Variants in CPN1 observed in about 807,000 individuals in gnomAD.
CPN1 encodes the protein carboxypeptidase N subunit 1.
A neutral mutation model predicts 46.4 loss-of-function variants in CPN1; 37 were observed. That is an observed-to-expected ratio of 0.80 (90% CI 0.61 to 1.05). The LOEUF (loss-of-function observed/expected upper bound fraction) is 1.05. Ranked by LOEUF, CPN1 falls within the 50% of genes least tolerant of loss-of-function variation. The probability of loss-of-function intolerance (pLI) is 0.00; values close to 1 mark genes in which losing one functional copy is unlikely to be tolerated. For missense variants in CPN1, 563 were observed against 602.6 expected (o/e 0.93, Z 0.69); for synonymous variants, 224 against 235.4 (o/e 0.95, Z 0.44).
At chr10:100,054,226 C>G (rs561817810) in intron 7 of CPN1, 121 bp downstream of exon 7, 20 of 771,296 alleles carry the variant, frequency 2.6e-5, no homozygotes, top group South Asian at 2.3e-4. Flanking sequence ...CCATCCCCCC[C>G]ACTCCCAGCA....
At chr10:100,071,657 T>C (rs1218017240) in intron 2 of CPN1, among the ~76,000 whole-genome samples, 3 of 152,210 alleles carry the variant, frequency 2.0e-5, no homozygotes, top group Non-Finnish European at 2.9e-5. Context: ...GAAAATGTAG[T>C]TAGGCCTATG....
At position 100,066,145 on chromosome 10, in the gene CPN1, G is replaced by T. The variant is rs1259815351; in HGVS notation, c.577-775C>A. 2.0e-5 allele frequency among the ~76,000 whole-genome samples: 3 copies of T among 152,114 alleles called. No homozygotes were observed. The East Asian group carries it at 5.8e-4, about 29-fold the overall frequency. ...TAATTTTTGTATTTTTTGTAGAGAT[G>T]GGGTTTTGCCATGTTACTGAGGCTG... is the stretch of plus-strand genomic sequence containing the variant. On this transcript the variant is annotated intron_variant, in intron 3 of 8. Coordinates refer to ENST00000370418, the MANE Select transcript of CPN1 (RefSeq NM_001308.3).
intron 3 of CPN1, among the ~76,000 whole-genome samples, chr10:100,067,490 A>G (rs2041461114): frequency 2.6e-5 from 4 of 152,222 alleles, no homozygotes; most frequent in Admixed American, 1.3e-4. Flanking sequence ...ACATGTCAGC[A>G]TGGCTTTTGC....
At chr10:100,069,679 A>C in intron 3 of CPN1, 35 bp downstream of exon 3, 1 of 1,613,596 alleles carries the variant, frequency 6.2e-7, no homozygotes, top group South Asian at 1.1e-5. Flanking sequence ...CCAGATGCTG[A>C]TTTACCTGCT....
chr10:100,049,022 G>A (rs938206189), intron 7 of CPN1, 146 bp from the exon 8 acceptor site: 4 of 619,198 alleles, frequency 6.5e-6, no homozygotes, highest in African/African-American at 3.7e-5. Flanking sequence ...GAAGTGGTGT[G>A]ATCTCAGCTC....
At position 100,076,127 on chromosome 10, in the gene CPN1, TG is replaced by T. The variant is rs2041513778; in HGVS notation, c.224-21del. On this transcript the variant is annotated intron_variant, in intron 1 of 8. Coordinates refer to ENST00000370418, the MANE Select transcript of CPN1 (RefSeq NM_001308.3). ...GTTCCACTGCAAGGAAGAGAAAAGA[TG>T]GGGGAAGCTTGGAAGTGTCATTGAT... The T allele has an allele frequency of 1.9e-6, 3 of 1,613,586 alleles. No individual in the cohort carries two copies. The highest frequency in any genetic ancestry group is 2.5e-6 in the Non-Finnish European group (3 of 1,179,640).
chr10:100,079,508 G>A (rs1477973788), intron 1 of CPN1, among the ~76,000 whole-genome samples: 2 of 152,226 alleles, frequency 1.3e-5, no homozygotes, highest in South Asian at 2.1e-4. Flanking sequence ...GTGTTGGGGG[G>A]CTAACCCCAT....
chr10:100,067,516 G>GA (rs539234750), intron 3 of CPN1, among the ~76,000 whole-genome samples: 43 of 152,246 alleles, frequency 2.8e-4, no homozygotes, highest in East Asian at 1.2e-3. Context: ...TTTCAAGGGA[G>GA]AAAAAAACCC....
At chr10:100,058,146 C>T (rs2041396098) in intron 5 of CPN1, among the ~76,000 whole-genome samples, 1 of 152,088 alleles carries the variant, frequency 6.6e-6, no homozygotes, top group African/African-American at 2.4e-5. Context: ...TCATAAATGC[C>T]CCTTTTGTCA....
intron 7 of CPN1, 45 bp from the exon 8 acceptor site, chr10:100,048,921 G>T (rs755180548): frequency 1.4e-6 from 2 of 1,478,366 alleles, no homozygotes; most frequent in African/African-American, 1.4e-5. Context: ...TTAAAAATCT[G>T]TCCCAAATAA....
chr10:100,077,135 C>T lies in CPN1; in HGVS notation c.224-1028G>A, dbSNP rs527985822. Among the ~76,000 whole-genome samples, 3 of 152,198 alleles carry T rather than the reference C, an allele frequency of 2.0e-5. No homozygotes were observed. In the South Asian group the frequency reaches 6.2e-4, roughly 32 times the overall value. On this transcript the variant is annotated intron_variant, in intron 1 of 8. Transcript: ENST00000370418. The stretch of plus-strand genomic sequence containing the variant: ...TCTCATTTCCAAATCCTTCTCACCA[C>T]CCTTCTAGGCCCAGTTCACATGATA...
At chr10:100,061,775 TA>T (rs1471587215) in intron 5 of CPN1, among the ~76,000 whole-genome samples, 3 of 152,148 alleles carry the variant, frequency 2.0e-5, no homozygotes, top group African/African-American at 7.2e-5. Context: ...GGGCAAAAAA[TA>T]TTTTGCTTTC....
intron 2 of CPN1, among the ~76,000 whole-genome samples, chr10:100,073,741 G>A (rs539357089): frequency 8.6e-5 from 13 of 150,792 alleles, no homozygotes; most frequent in African/African-American, 2.9e-4. Context: ...TCAGCCTCCC[G>A]AGTAGCTGGG....
Position 100,042,285 on chromosome 10 carries a change from TG to T in CPN1, c.*141del. On this transcript the variant is annotated 3_prime_UTR_variant, in exon 9 of 9. Coordinates refer to ENST00000370418, the MANE Select transcript of CPN1 (RefSeq NM_001308.3). ...TGATGACCTAGAGATGGCTTACCCCTGGAACAGATGGAGACCATTCTGAATT... is the reference window on the plus strand; with the variant it reads ...TGATGACCTAGAGATGGCTTACCCCTGAACAGATGGAGACCATTCTGAATT... 1 of 1,182,778 alleles carries T rather than the reference TG, an allele frequency of 8.5e-7. No homozygotes were observed. The highest frequency in any genetic ancestry group is 1.2e-6 in the Non-Finnish European group (1 of 807,962). The allele number at this position is 1,182,778 out of a possible 1,614,324, so 73.3% of individuals were successfully genotyped here. A position where few individuals can be genotyped will look rare whatever the true frequency, so the allele number is the denominator to read the frequency against.
At chr10:100,075,716 C>G (rs1208849999) in intron 2 of CPN1, among the ~76,000 whole-genome samples, 195 bp downstream of exon 2, 1 of 152,216 alleles carries the variant, frequency 6.6e-6, no homozygotes, top group African/African-American at 2.4e-5. Context: ...TGTTTATTGC[C>G]TGAGGTGCTG....
intron 7 of CPN1, among the ~76,000 whole-genome samples, chr10:100,049,364 G>A (rs2041336983): frequency 6.6e-6 from 1 of 151,418 alleles, no homozygotes; most frequent in Admixed American, 6.6e-5. Flanking sequence ...CTGGGTTCAA[G>A]CAATTCTCCT....
At chr10:100,071,608 C>T (rs919729681) in intron 2 of CPN1, among the ~76,000 whole-genome samples, 7 of 152,188 alleles carry the variant, frequency 4.6e-5, no homozygotes, top group Non-Finnish European at 2.9e-5. Context: ...CCTCCATATC[C>T]ATGGGTTCCA....
At position 100,048,767 on chromosome 10, in the gene CPN1, T is replaced by C. The variant is rs151188411; in HGVS notation, c.1221A>G (p.Glu407=). The C allele has an allele frequency of 7.4e-5, 119 of 1,604,128 alleles. No homozygotes were observed. The African/African-American group carries it at 1.5e-3, about 20-fold the overall frequency. The part of the protein sequence containing the change: ...ETVTVTVGPA[E]PTLVNFHLKR... ...GCTCAGCCTAACTCACCAACGTTGGTTCCGCAGGACCCACGGTCACAGTTA... is the reference window on the plus strand; with the variant it reads ...GCTCAGCCTAACTCACCAACGTTGGCTCCGCAGGACCCACGGTCACAGTTA... The change falls in exon 8 of 9, where the codon GAA becomes GAG. Residue 407 remains glutamate (E), a synonymous_variant. Transcript: ENST00000370418.
At chr10:100,047,975 A>T (rs934179946) in intron 8 of CPN1, among the ~76,000 whole-genome samples, 47 of 152,082 alleles carry the variant, frequency 3.1e-4, no homozygotes, top group African/African-American at 1.1e-3. Context: ...CTGGGCAACA[A>T]GAGCGAAACC....
Sources: gnomAD v4.1 joint callset for allele counts (sites outside exome capture counted in the v4.1 genomes callset) on GRCh38, gnomAD v4.1.1 for gene constraint, MANE v1.5 for transcripts, NCBI Gene and HGNC (gene_info 2026-07-23, HGNC 2026-07-21) for gene names.